The following ST6GALNAC3 variants were observed in gnomAD, a reference collection of about 807,000 sequenced individuals.
ST6GALNAC3 encodes ST6 N-acetylgalactosaminide alpha-2,6-sialyltransferase 3.
Under a neutral mutation model 32.7 loss-of-function variants are expected in ST6GALNAC3, and 25 were observed. That is an observed-to-expected ratio of 0.76 (90% CI 0.56 to 1.07). The LOEUF (loss-of-function observed/expected upper bound fraction) is 1.07. Among genes scored for constraint, ST6GALNAC3 ranks in the 50% least tolerant of loss-of-function variants. The probability of loss-of-function intolerance (pLI) is 0.00; values close to 1 mark genes in which losing one functional copy is unlikely to be tolerated. For missense variants in ST6GALNAC3, 355 were observed against 382.4 expected (o/e 0.93, Z 0.60); for synonymous variants, 129 against 133.1 (o/e 0.97, Z 0.21).
chr1:76,356,382 G>A (rs1037377733), intron 2 of ST6GALNAC3, among the ~76,000 whole-genome samples: 7 of 140,424 alleles, frequency 5.0e-5, no homozygotes, highest in East Asian at 2.1e-4. Flanking sequence ...ACTCCTTGCC[G>A]CATGCCAACC....
At chr1:76,382,449 G>T (rs375061438) in intron 2 of ST6GALNAC3, among the ~76,000 whole-genome samples, 6 of 152,162 alleles carry the variant, frequency 3.9e-5, no homozygotes, top group Non-Finnish European at 7.4e-5. Context: ...GAATCTAAGA[G>T]ATATGTTTAA....
chr1:76,184,390 T>A (rs1248658067), intron 1 of ST6GALNAC3, among the ~76,000 whole-genome samples: 2 of 151,982 alleles, frequency 1.3e-5, no homozygotes, highest in Admixed American at 1.3e-4. Context: ...ATTACAAAAA[T>A]TAGCCGGGTG....
At chr1:76,188,145 C>T (rs1014346074) in intron 1 of ST6GALNAC3, among the ~76,000 whole-genome samples, 6 of 152,084 alleles carry the variant, frequency 3.9e-5, no homozygotes, top group Admixed American at 3.9e-4. Context: ...GGGTGGATCA[C>T]GAGGTCAGGA....
At chr1:76,159,525 A>G (rs74501836) in intron 1 of ST6GALNAC3, among the ~76,000 whole-genome samples, 10,615 of 152,220 alleles carry the variant, frequency 0.07, 509 homozygotes, top group Middle Eastern at 0.13. Context: ...TGAGCTCTGC[A>G]TGGTGCCTGG....
At chr1:76,157,185 A>G (rs1413428981) in intron 1 of ST6GALNAC3, among the ~76,000 whole-genome samples, 3 of 152,222 alleles carry the variant, frequency 2.0e-5, no homozygotes, top group African/African-American at 7.2e-5. Flanking sequence ...CTACTGATCT[A>G]CAAATATATC....
At chr1:76,135,961 G>A (rs756741541) in intron 1 of ST6GALNAC3, among the ~76,000 whole-genome samples, 12 of 152,036 alleles carry the variant, frequency 7.9e-5, no homozygotes, top group Non-Finnish European at 1.8e-4. Flanking sequence ...TGATTCTGTC[G>A]CATACCCCAG....
chr1:76,211,221 T>C (rs966746625), intron 1 of ST6GALNAC3, among the ~76,000 whole-genome samples: 17 of 152,148 alleles, frequency 1.1e-4, no homozygotes, highest in Non-Finnish European at 2.1e-4. Flanking sequence ...AAATGCAAAT[T>C]GAAACCACAA....
At chr1:76,335,492 A>G (rs1164596337) in intron 2 of ST6GALNAC3, among the ~76,000 whole-genome samples, 1 of 151,918 alleles carries the variant, frequency 6.6e-6, no homozygotes, top group East Asian at 1.9e-4. Flanking sequence ...ATTTAGACAC[A>G]CCAGTGAACC....
intron 2 of ST6GALNAC3, among the ~76,000 whole-genome samples, chr1:76,318,839 A>C (rs141069847): frequency 1.3e-3 from 203 of 152,308 alleles, no homozygotes; most frequent in African/African-American, 4.5e-3. Context: ...GGAGGTATAA[A>C]GGACTAAGGT....
intron 1 of ST6GALNAC3, among the ~76,000 whole-genome samples, chr1:76,300,817 C>T (rs1660684998): frequency 6.6e-6 from 1 of 151,910 alleles, no homozygotes. Flanking sequence ...AAGTGTGCTT[C>T]AGTCAGAACA....
intron 2 of ST6GALNAC3, among the ~76,000 whole-genome samples, chr1:76,392,731 C>G (rs1652660808): frequency 6.6e-6 from 1 of 152,164 alleles, no homozygotes; most frequent in African/African-American, 2.4e-5. Context: ...GGATATTTTT[C>G]TTGATTGACC....
At chr1:76,585,231 A>G (rs959347766) in intron 3 of ST6GALNAC3, among the ~76,000 whole-genome samples, 58 of 152,144 alleles carry the variant, frequency 3.8e-4, no homozygotes, top group African/African-American at 1.3e-3. Context: ...CTAAGAAAAC[A>G]AAAAATCAGC....
At chr1:76,478,476 C>G (rs903328858) in intron 3 of ST6GALNAC3, among the ~76,000 whole-genome samples, 12 of 152,126 alleles carry the variant, frequency 7.9e-5, no homozygotes, top group Admixed American at 2.6e-4. Context: ...TTTGGTGTAT[C>G]AGGCTTTTCT....
chr1:76,092,013 A>G (rs1046600709), intron 1 of ST6GALNAC3, among the ~76,000 whole-genome samples: 1 of 152,234 alleles, frequency 6.6e-6, no homozygotes, highest in Non-Finnish European at 1.5e-5. Context: ...TTAATTGCTT[A>G]AAGTCAGAGA....
At chr1:76,391,595 C>T (rs900855068) in intron 2 of ST6GALNAC3, among the ~76,000 whole-genome samples, 3 of 9,390 alleles carry the variant, frequency 3.2e-4, no homozygotes, top group Admixed American at 3.1e-3. Flanking sequence ...TTCACCTTCC[C>T]CTTCCCCTTC....
At chr1:76,596,737 A>C (rs1486001504) in intron 3 of ST6GALNAC3, among the ~76,000 whole-genome samples, 1 of 152,118 alleles carries the variant, frequency 6.6e-6, no homozygotes, top group Non-Finnish European at 1.5e-5. Flanking sequence ...TTTTCTCTAC[A>C]TTTCCTATGT....
intron 3 of ST6GALNAC3, among the ~76,000 whole-genome samples, chr1:76,490,477 G>C (rs1660426758): frequency 6.7e-6 from 1 of 148,836 alleles, no homozygotes; most frequent in African/African-American, 2.4e-5. Flanking sequence ...AGTTATATGA[G>C]ATATATATTT....
intron 3 of ST6GALNAC3, 73 bp from the exon 4 acceptor site, chr1:76,627,378 CA>C (rs1479585566): frequency 2.1e-6 from 2 of 963,940 alleles, no homozygotes; most frequent in African/African-American, 3.3e-5. Context: ...GCTCGTTTCT[CA>C]CACACCTTAT....
intron 3 of ST6GALNAC3, among the ~76,000 whole-genome samples, chr1:76,508,658 A>T (rs1661636722): frequency 6.6e-6 from 1 of 152,078 alleles, no homozygotes; most frequent in African/African-American, 2.4e-5. Context: ...GAATGCAGAG[A>T]GCTTCACAGC....
Sources: gnomAD v4.1 joint callset for allele counts (sites outside exome capture counted in the v4.1 genomes callset) on GRCh38, gnomAD v4.1.1 for gene constraint, MANE v1.5 for transcripts, NCBI Gene and HGNC (gene_info 2026-07-23, HGNC 2026-07-21) for gene names.